Variants in ARHGAP42 observed in about 807,000 individuals in gnomAD.
ARHGAP42 encodes the protein rho GTPase-activating protein 42.
ARHGAP42 carries 63 observed loss-of-function variants against 125.0 expected under a neutral mutation model. The ratio of observed to expected loss-of-function variants is 0.50; its 90% CI spans 0.41 to 0.62. The LOEUF (loss-of-function observed/expected upper bound fraction) is 0.62, where lower values mean the gene tolerates loss of function less well. ARHGAP42 is among the 20% of genes least tolerant of loss of function. The pLI is 0.00. For missense variants in ARHGAP42, 766 were observed against 1,024.2 expected (o/e 0.75, Z 3.44); for synonymous variants, 339 against 351.0 (o/e 0.97, Z 0.38).
chr11:100,845,308 G>A (rs1318385417), intron 3 of ARHGAP42, among the ~76,000 whole-genome samples: 3 of 151,954 alleles, frequency 2.0e-5, no homozygotes, highest in African/African-American at 7.3e-5. Context: ...ATGAGGATGC[G>A]AAGGCATGAG....
At chr11:100,812,242 A>T (rs1864164372) in intron 3 of ARHGAP42, among the ~76,000 whole-genome samples, 1 of 152,242 alleles carries the variant, frequency 6.6e-6, no homozygotes, top group Non-Finnish European at 1.5e-5. Flanking sequence ...AGCAAAGCGG[A>T]TGGTGGACCA....
In ARHGAP42 at chr11:100,710,393, A is replaced by ATTTT. The variant is rs757284837; in HGVS notation, c.154+22573_154+22576dup. ...AGGTGCATGCCACCATGCCTGGCTA[A>ATTTT]TTTTTTTTTTTTTTTGTATTTTTAG... On this transcript the variant is annotated intron_variant, in intron 1 of 23. Transcript: ENST00000298815. 5.1e-5 allele frequency among the ~76,000 whole-genome samples: 7 copies of ATTTT among 138,354 alleles called. No homozygotes were observed. The East Asian group carries it at 6.3e-4, about 12-fold the overall frequency. 90.8% of individuals were successfully genotyped at this position (138,354 alleles called of 152,430 possible).
In ARHGAP42 at chr11:100,987,610, C is replaced by G. The variant is rs568664086; in HGVS notation, c.2536+18C>G. 1 of 1,547,256 alleles carries G rather than the reference C, an allele frequency of 6.5e-7. No homozygotes were observed. Among genetic ancestry groups the G allele is most frequent in the Non-Finnish European group, 8.7e-7 (1 of 1,143,098 alleles). On this transcript the variant is annotated intron_variant, in intron 23 of 23. Coordinates refer to ENST00000298815, the MANE Select transcript of ARHGAP42 (RefSeq NM_152432.4). ...TTCTAATGGTAAGTATGTCAATTCC[C>G]TCTGCCTAAGTTTGTCATCATGGGG...
intron 3 of ARHGAP42, among the ~76,000 whole-genome samples, chr11:100,824,337 G>A (rs1864464963): frequency 1.3e-5 from 2 of 152,128 alleles, no homozygotes; most frequent in South Asian, 4.1e-4. Flanking sequence ...CTTTAAGGCT[G>A]CCCTCACTGT....
chr11:100,814,620 A>T (rs925413357), intron 3 of ARHGAP42, among the ~76,000 whole-genome samples: 1 of 152,194 alleles, frequency 6.6e-6, no homozygotes, highest in African/African-American at 2.4e-5. Context: ...ACTTACAGTC[A>T]TGGCGGAAGT....
At chr11:100,981,192 T>A (rs962058025) in intron 22 of ARHGAP42, among the ~76,000 whole-genome samples, 4 of 152,234 alleles carry the variant, frequency 2.6e-5, no homozygotes, top group Non-Finnish European at 5.9e-5. Flanking sequence ...TTGTTGGGAA[T>A]GTACACAATA....
intron 4 of ARHGAP42, among the ~76,000 whole-genome samples, chr11:100,878,768 T>A (rs184385502): frequency 6.6e-6 from 1 of 152,212 alleles, no homozygotes; most frequent in African/African-American, 2.4e-5. Flanking sequence ...CTTGCACATG[T>A]TCTGCTTGAA....
intron 6 of ARHGAP42, among the ~76,000 whole-genome samples, chr11:100,926,811 AT>A (rs1867439048): frequency 6.6e-6 from 1 of 152,246 alleles, no homozygotes; most frequent in Non-Finnish European, 1.5e-5. Flanking sequence ...TGAAAACAAC[AT>A]TTATGAATCC....
At chr11:100,956,917 C>T (rs370514034) in intron 12 of ARHGAP42, among the ~76,000 whole-genome samples, 1 of 152,066 alleles carries the variant, frequency 6.6e-6, no homozygotes, top group East Asian at 1.9e-4. Context: ...TCCCTCAAGC[C>T]CCAGTGATTT....
At chr11:100,783,937 G>T (rs908345742) in intron 2 of ARHGAP42, among the ~76,000 whole-genome samples, 2 of 151,976 alleles carry the variant, frequency 1.3e-5, no homozygotes, top group African/African-American at 4.8e-5. Context: ...ATAGAAGGGG[G>T]GTCAAAAAAT....
chr11:100,899,722 G>GTTTTGTTTT (rs1414222333), intron 4 of ARHGAP42, among the ~76,000 whole-genome samples: 9 of 67,210 alleles, frequency 1.3e-4, no homozygotes, highest in Admixed American at 1.5e-4. Flanking sequence ...TTTGTGTTTT[G>GTTTTGTTTT]TTTTTTTTTT....
intron 9 of ARHGAP42, among the ~76,000 whole-genome samples, chr11:100,942,720 G>A (rs981064023): frequency 6.6e-6 from 1 of 152,098 alleles, no homozygotes; most frequent in African/African-American, 2.4e-5. Flanking sequence ...AAATATGTCA[G>A]TTGAAACTTA....
In ARHGAP42 at chr11:100,849,509, C is replaced by T. The variant is rs373721335; in HGVS notation, c.313-10045C>T. 3.3e-5 allele frequency among the ~76,000 whole-genome samples: 5 copies of T among 152,184 alleles called. No homozygotes were observed. In the South Asian group the frequency reaches 6.2e-4, roughly 19 times the overall value. On this transcript the variant is annotated intron_variant, in intron 3 of 23. Coordinates refer to ENST00000298815, the MANE Select transcript of ARHGAP42 (RefSeq NM_152432.4). ...ATCTCTTGTTTGCTAAATTGTAGGA[C>T]GTAGATAACTTTTGGGTATTCATGG...
intron 6 of ARHGAP42, among the ~76,000 whole-genome samples, chr11:100,931,206 TAA>T (rs1452967536): frequency 3.3e-5 from 5 of 152,200 alleles, no homozygotes; most frequent in Admixed American, 3.3e-4. Flanking sequence ...GACAGTGCTC[TAA>T]AAATTTTGCA....
Position 100,775,091 on chromosome 11 carries a change from A to G in ARHGAP42, c.250+4653A>G, listed in dbSNP as rs569872118. ...CCATTGCCCTCCCTTCTCTAAGGATAAATGAGCTGCAGGTGAGCTTTGGCC... is the reference window on the plus strand; with the variant it reads ...CCATTGCCCTCCCTTCTCTAAGGATGAATGAGCTGCAGGTGAGCTTTGGCC... On this transcript the variant is annotated intron_variant, in intron 2 of 23. Coordinates refer to ENST00000298815, the MANE Select transcript of ARHGAP42 (RefSeq NM_152432.4). Among the ~76,000 whole-genome samples, 149 of 152,288 alleles carry G rather than the reference A, an allele frequency of 9.8e-4. 1 individual carries two copies. Among genetic ancestry groups the G allele is most frequent in the African/African-American group, 3.4e-3 (143 of 41,564 alleles).
At chr11:100,978,030 G>T (rs1043237651) in intron 21 of ARHGAP42, among the ~76,000 whole-genome samples, 2 of 152,276 alleles carry the variant, frequency 1.3e-5, no homozygotes, top group South Asian at 4.1e-4. Flanking sequence ...TCCAGTTACA[G>T]TGGTATAGGC....
At chr11:100,868,606 T>A (rs1019103869) in intron 4 of ARHGAP42, among the ~76,000 whole-genome samples, 1 of 151,918 alleles carries the variant, frequency 6.6e-6, no homozygotes, top group Non-Finnish European at 1.5e-5. Context: ...TAATAGCACA[T>A]TTGGTGCACA....
At chr11:100,863,337 A>G (rs1197626364) in intron 4 of ARHGAP42, among the ~76,000 whole-genome samples, 2 of 152,220 alleles carry the variant, frequency 1.3e-5, no homozygotes, top group Non-Finnish European at 1.5e-5. Context: ...CCGTTGATTA[A>G]AGGTAGAATC....
At chr11:100,838,169 T>A (rs557181548) in intron 3 of ARHGAP42, among the ~76,000 whole-genome samples, 112 of 152,068 alleles carry the variant, frequency 7.4e-4, no homozygotes, top group African/African-American at 2.5e-3. Flanking sequence ...GTTTGTGTGA[T>A]GCTTCCTTCT....
Sources: allele counts gnomAD v4.1 joint callset (sites outside exome capture counted in the v4.1 genomes callset), GRCh38; gene constraint gnomAD v4.1.1; transcripts MANE v1.5; gene names NCBI Gene and HGNC (gene_info 2026-07-23, HGNC 2026-07-21).